The following SMG1 variants were observed in gnomAD, a reference collection of about 807,000 sequenced individuals.
SMG1 encodes the protein SMG1 nonsense mediated mRNA decay associated PI3K related kinase.
A neutral mutation model predicts 419.9 loss-of-function variants in SMG1; 22 were observed. The observed-to-expected ratio is 0.05, with a 90% CI of 0.04 to 0.07. SMG1 has a LOEUF of 0.07. SMG1 is among the 10% of genes least tolerant of loss of function. SMG1 has a pLI of 1.00. For synonymous variants in SMG1, 1,538 were observed against 1,553.5 expected (o/e 0.99, Z 0.23); for missense variants, 3,185 against 4,342.0 (o/e 0.73, Z 7.49).
At chr16:18,893,492 G>A (rs1370838342) in intron 3 of SMG1, among the ~76,000 whole-genome samples, 1 of 152,190 alleles carries the variant, frequency 6.6e-6, no homozygotes. Context: ...GGGCATAGTG[G>A]CACATGCCTG....
At chr16:18,869,769 A>G (rs1201687287) in intron 19 of SMG1, 85 bp downstream of exon 19, 11 of 1,162,116 alleles carry the variant, frequency 9.5e-6, no homozygotes, top group Admixed American at 1.9e-5. Context: ...ACCCCCAAAC[A>G]TATTTTCTCT....
At chr16:18,842,981 T>G (rs2034013944) in intron 39 of SMG1, among the ~76,000 whole-genome samples, 1 of 152,220 alleles carries the variant, frequency 6.6e-6, no homozygotes, top group Non-Finnish European at 1.5e-5. Context: ...AGACTCTTTC[T>G]TTTCCTCTGT....
At chr16:18,874,069 G>A (rs1244819826) in intron 13 of SMG1, among the ~76,000 whole-genome samples, 3 of 152,164 alleles carry the variant, frequency 2.0e-5, no homozygotes, top group Admixed American at 6.5e-5. Context: ...ACATGTAAGC[G>A]CAAACATCAA....
rs2141335446 is a variant in SMG1, at chr16:18,845,414, G to C, written c.6219+15C>G. ...GATGTGCCATTTCAGTAGCATGCTT[G>C]GGATTATTCTGTACCTCTTTAAATG... On this transcript the variant is annotated intron_variant, in intron 39 of 62. Transcript: ENST00000446231. 1 of 1,602,692 alleles carries C rather than the reference G, an allele frequency of 6.2e-7. No individual in the cohort carries two copies. The highest frequency in any genetic ancestry group is 8.5e-7 in the Non-Finnish European group (1 of 1,171,004).
chr16:18,861,864 T>C (rs1206090528), intron 25 of SMG1, among the ~76,000 whole-genome samples: 3 of 152,136 alleles, frequency 2.0e-5, no homozygotes, highest in African/African-American at 4.8e-5. Context: ...CTGCCAAAAT[T>C]CTGTCTATAG....
chr16:18,894,466 GT>G (rs2037025511), intron 3 of SMG1, among the ~76,000 whole-genome samples: 2 of 152,058 alleles, frequency 1.3e-5, no homozygotes, highest in Non-Finnish European at 2.9e-5. Flanking sequence ...AAGAGGAATT[GT>G]TTACTGAACT....
In SMG1 at chr16:18,827,410, A is replaced by G. The variant is rs188040777; in HGVS notation, c.9741+621T>C. 2.1e-3 allele frequency among the ~76,000 whole-genome samples: 319 copies of G among 150,428 alleles called. 5 individuals carry two copies. The East Asian group carries it at 0.042, about 20-fold the overall frequency. On this transcript the variant is annotated intron_variant, in intron 55 of 62. Coordinates refer to ENST00000446231, the MANE Select transcript of SMG1 (RefSeq NM_015092.5). ...CACTGCACTCCAACCTGGGCAACAA[A>G]GCGAGACTCTGTCTCCAAAATATAT...
At chr16:18,848,444 TAGCTGGGACTACA>T (rs1329807431) in intron 36 of SMG1, among the ~76,000 whole-genome samples, 2 of 151,884 alleles carry the variant, frequency 1.3e-5, no homozygotes, top group Non-Finnish European at 2.9e-5. Context: ...GCCTCCTGAA[TAGCTGGGACTACA>T]GGTGTGTGCT....
chr16:18,859,218 A>T (rs936632713), intron 27 of SMG1, 37 bp from the exon 28 acceptor site: 1 of 1,470,188 alleles, frequency 6.8e-7, no homozygotes, highest in Non-Finnish European at 9.2e-7. Context: ...AATAAAAATT[A>T]CAATTCATAA....
chr16:18,834,341 T>C lies in SMG1; in HGVS notation c.8428A>G (p.Ser2810Gly). 6.2e-7 allele frequency: 1 copy of C among 1,613,800 alleles called. No individual in the cohort carries two copies. Among genetic ancestry groups the C allele is most frequent in the Non-Finnish European group, 8.5e-7 (1 of 1,179,814 alleles). ...AAGCAGGTGACGTTTCCGCTCATAC[T>C]GCAGAGTTCCTCCAAGAACCAGGCT... Reference protein sequence around the residue: ...DGAWFLEELCSMSGNVTCLVQ... With the variant: ...DGAWFLEELCGMSGNVTCLVQ... Residue 2810 changes from serine to glycine, a missense_variant, in exon 50 of 63, where the codon AGT becomes GGT. Coordinates refer to ENST00000446231, the MANE Select transcript of SMG1 (RefSeq NM_015092.5).
chr16:18,837,226 T>G, intron 46 of SMG1, 27 bp downstream of exon 46: 1 of 1,565,782 alleles, frequency 6.4e-7, no homozygotes, highest in Non-Finnish European at 8.7e-7. Flanking sequence ...TGGCACATAT[T>G]TAGAAGAATT....
intron 39 of SMG1, among the ~76,000 whole-genome samples, chr16:18,843,741 G>A (rs2141317208): frequency 6.6e-6 from 1 of 152,220 alleles, no homozygotes; most frequent in East Asian, 1.9e-4. Context: ...TCAAAAACAG[G>A]CGGAAACTAA....
chr16:18,897,475 T>C (rs1317632341), intron 1 of SMG1, among the ~76,000 whole-genome samples: 3 of 152,194 alleles, frequency 2.0e-5, no homozygotes, highest in Admixed American at 1.3e-4. Context: ...TACTGTAGTA[T>C]TGAAGACCCC....
At position 18,838,449 on chromosome 16, in the gene SMG1, G is replaced by A; in HGVS notation, c.7102C>T (p.Pro2368Ser). 6.2e-7 allele frequency: 1 copy of A among 1,613,902 alleles called. No individual in the cohort carries two copies. Among genetic ancestry groups the A allele is most frequent in the Non-Finnish European group, 8.5e-7 (1 of 1,179,868 alleles). The change falls in exon 44 of 63, where the codon CCT becomes TCT. Residue 2368 changes from proline to serine, a missense_variant. Coordinates refer to ENST00000446231, the MANE Select transcript of SMG1 (RefSeq NM_015092.5). Reference protein sequence around the residue: ...CFEKGKSLRVPEKVPFRMTQN... With the variant: ...CFEKGKSLRVSEKVPFRMTQN... ...GTCATTCGAAAAGGTACTTTCTCAG[G>A]AACTCTAAGGCTTTTACCTTGAAAA...
Position 18,835,198 on chromosome 16 carries a change from CA to C in SMG1, c.8058-35del, listed in dbSNP as rs1276530342. ...ATAAGGAAGAGGTGCTTGTTTATAA[CA>C]CAACCACCCCCAACATACAAAAGAA... On this transcript the variant is annotated intron_variant, in intron 48 of 62. Transcript: ENST00000446231. 3.2e-6 allele frequency: 5 copies of C among 1,577,174 alleles called. No homozygotes were observed. The African/African-American group carries it at 6.8e-5, about 21-fold the overall frequency.
intron 53 of SMG1, 67 bp downstream of exon 53, chr16:18,829,859 A>G (rs1040169830): frequency 2.8e-6 from 4 of 1,434,096 alleles, no homozygotes; most frequent in African/African-American, 2.9e-5. Context: ...AATTAAGCCT[A>G]CTCTATCCTG....
chr16:18,878,338 T>C (rs1486668598), intron 11 of SMG1: 1 of 150,374 alleles, frequency 6.7e-6, no homozygotes, highest in African/African-American at 2.4e-5. Flanking sequence ...CCAGGCATGA[T>C]TGCTCACACC....
intron 1 of SMG1, among the ~76,000 whole-genome samples, chr16:18,922,219 A>C (rs1023136451): frequency 1.8e-4 from 28 of 152,228 alleles, no homozygotes; most frequent in African/African-American, 6.8e-4. Flanking sequence ...CTAGAAGATT[A>C]TCTTCCAAAC....
At chr16:18,883,370 C>G (rs1400536756) in intron 9 of SMG1, among the ~76,000 whole-genome samples, 1 of 152,208 alleles carries the variant, frequency 6.6e-6, no homozygotes. Flanking sequence ...AAGTACGATT[C>G]AAGATCTCCT....
Sources: allele counts gnomAD v4.1 joint callset (sites outside exome capture counted in the v4.1 genomes callset), GRCh38; gene constraint gnomAD v4.1.1; transcripts MANE v1.5; gene names NCBI Gene and HGNC (gene_info 2026-07-23, HGNC 2026-07-21).